The following EPHA7 variants were observed in gnomAD, a reference collection of about 807,000 sequenced individuals.
EPHA7 encodes the protein EPH receptor A7, also known as ephrin type-A receptor 7.
A neutral mutation model predicts 112.6 loss-of-function variants in EPHA7; 25 were observed. The ratio of observed to expected loss-of-function variants is 0.22; its 90% confidence interval spans 0.16 to 0.31. The LOEUF (loss-of-function observed/expected upper bound fraction) is 0.31. Ranked by LOEUF, EPHA7 falls within the 10% of genes least tolerant of loss-of-function variation. The pLI is 1.00. For synonymous variants in EPHA7, 437 were observed against 406.5 expected (o/e 1.07, Z -0.90); for missense variants, 962 against 1,212.6 (o/e 0.79, Z 3.07).
intron 7 of EPHA7, among the ~76,000 whole-genome samples, chr6:93,267,124 AT>A (rs1214737999): frequency 6.6e-6 from 1 of 151,744 alleles, no homozygotes; most frequent in Admixed American, 6.6e-5. Flanking sequence ...TAAAGTTTCC[AT>A]TTTAATTTCT....
chr6:93,416,370 T>C (rs1237783697), intron 1 of EPHA7, among the ~76,000 whole-genome samples: 1 of 152,156 alleles, frequency 6.6e-6, no homozygotes, highest in Non-Finnish European at 1.5e-5. Context: ...GACAACAGGA[T>C]TTTAAATGCA....
intron 3 of EPHA7, among the ~76,000 whole-genome samples, chr6:93,397,804 T>C (rs1778253920): frequency 6.6e-6 from 1 of 151,956 alleles, no homozygotes; most frequent in South Asian, 2.1e-4. Context: ...TTTTCTTTCA[T>C]ATTATACACT....
chr6:93,256,979 T>C (rs567037119), intron 12 of EPHA7, among the ~76,000 whole-genome samples: 1 of 152,240 alleles, frequency 6.6e-6, no homozygotes, highest in Admixed American at 6.5e-5. Flanking sequence ...TTATATGTCA[T>C]TTACAAATAA....
At chr6:93,320,959 T>C (rs1295875639) in intron 5 of EPHA7, among the ~76,000 whole-genome samples, 2 of 151,990 alleles carry the variant, frequency 1.3e-5, no homozygotes, top group Non-Finnish European at 2.9e-5. Context: ...ATAGTTTGTG[T>C]ATATTTTGTA....
rs183610251 is a variant in EPHA7, at chr6:93,255,967, T to C, written c.2243A>G (p.Tyr748Cys). 1 of 1,614,088 alleles carries C rather than the reference T, an allele frequency of 6.2e-7. No individual in the cohort carries two copies. Among genetic ancestry groups the C allele is most frequent in the Non-Finnish European group, 8.5e-7 (1 of 1,180,004 alleles). Residue 748 changes from tyrosine to cysteine, a missense_variant, in exon 13 of 17, where the codon TAT (tyrosine) becomes TGT (cysteine). Physicochemically the swap from Tyr to Cys is radical, Grantham distance 194. Transcript: ENST00000369303. ...MLRGIAAGMR[Y>C]LADMGYVHRD... ...GTGAACATATCCCATATCAGCCAAATATCTCATTCCAGCAGCAATTCCTCT... is the reference window on the plus strand; with the variant it reads ...GTGAACATATCCCATATCAGCCAAACATCTCATTCCAGCAGCAATTCCTCT...
intron 5 of EPHA7, among the ~76,000 whole-genome samples, chr6:93,313,701 A>C (rs1773652018): frequency 6.6e-6 from 1 of 151,158 alleles, no homozygotes; most frequent in Non-Finnish European, 1.5e-5. Flanking sequence ...AATAAAAATA[A>C]GTAAGTATTA....
chr6:93,335,427 A>T (rs938123587), intron 5 of EPHA7, among the ~76,000 whole-genome samples: 1 of 152,074 alleles, frequency 6.6e-6, no homozygotes, highest in African/African-American at 2.4e-5. Flanking sequence ...TTACAGTTTC[A>T]TTGGTATTTA....
At chr6:93,268,814 G>T (rs1396038322) in intron 7 of EPHA7, among the ~76,000 whole-genome samples, 2 of 151,784 alleles carry the variant, frequency 1.3e-5, no homozygotes, top group South Asian at 2.1e-4. Context: ...AAATGATAAA[G>T]GGGCTTCAAA....
At chr6:93,252,112 C>G (rs1403397227) in intron 14 of EPHA7, among the ~76,000 whole-genome samples, 1 of 118,794 alleles carries the variant, frequency 8.4e-6, no homozygotes, top group Non-Finnish European at 1.9e-5. Context: ...TAGTCCAGAA[C>G]TTTCTCACTC....
intron 5 of EPHA7, among the ~76,000 whole-genome samples, chr6:93,293,035 A>G (rs1478907003): frequency 6.6e-6 from 1 of 152,106 alleles, no homozygotes; most frequent in Non-Finnish European, 1.5e-5. Context: ...GAGGCCTTGT[A>G]CAATTGAAAA....
intron 5 of EPHA7, among the ~76,000 whole-genome samples, chr6:93,354,715 C>A (rs1376838956): frequency 6.7e-6 from 1 of 149,748 alleles, no homozygotes; most frequent in Non-Finnish European, 1.5e-5. Context: ...TTTTACATAA[C>A]AACTGCGAAA....
At chr6:93,260,787 T>TG in intron 9 of EPHA7, 1 of 956,762 alleles carries the variant, frequency 1.0e-6, no homozygotes, top group Non-Finnish European at 1.2e-6. Context: ...AAGCTGAAGA[T>TG]GAAAAAAAAA....
At chr6:93,416,282 A>C (rs1779221296) in intron 1 of EPHA7, among the ~76,000 whole-genome samples, 1 of 152,194 alleles carries the variant, frequency 6.6e-6, no homozygotes, top group African/African-American at 2.4e-5. Context: ...CAGGGAAACA[A>C]GGTGGGTGGT....
At chr6:93,247,974 C>A (rs1034282385) in intron 14 of EPHA7, among the ~76,000 whole-genome samples, 2 of 151,704 alleles carry the variant, frequency 1.3e-5, no homozygotes, top group African/African-American at 4.8e-5. Flanking sequence ...ATCTGAGCAG[C>A]AAAGGGAAGA....
intron 5 of EPHA7, among the ~76,000 whole-genome samples, chr6:93,339,747 A>T (rs1775051149): frequency 6.6e-6 from 1 of 151,824 alleles, no homozygotes; most frequent in Non-Finnish European, 1.5e-5. Flanking sequence ...CTATGTAAAC[A>T]GCCCAGGCAA....
intron 4 of EPHA7, 80 bp downstream of exon 4, chr6:93,358,176 A>G (rs964776703): frequency 1.1e-5 from 12 of 1,076,986 alleles, no homozygotes; most frequent in African/African-American, 6.6e-5. Flanking sequence ...CACAAATTCA[A>G]TATCTATTTC....
chr6:93,313,826 A>T (rs1773657540), intron 5 of EPHA7, among the ~76,000 whole-genome samples: 1 of 152,046 alleles, frequency 6.6e-6, no homozygotes, highest in Admixed American at 6.6e-5. Flanking sequence ...AGACTAAGGA[A>T]GGTGGTCTTA....
intron 5 of EPHA7, among the ~76,000 whole-genome samples, chr6:93,336,884 T>C (rs1272404739): frequency 7.7e-6 from 1 of 129,916 alleles, no homozygotes; most frequent in East Asian, 2.0e-4. Context: ...TTACAAAGTA[T>C]TATTTTTGTA....
intron 5 of EPHA7, among the ~76,000 whole-genome samples, chr6:93,282,414 GAA>G (rs770976004): frequency 2.0e-5 from 3 of 152,174 alleles, no homozygotes; most frequent in Non-Finnish European, 4.4e-5. Context: ...GATTACAACC[GAA>G]GTTTTAAAAA....
Sources: allele counts gnomAD v4.1 joint callset (sites outside exome capture counted in the v4.1 genomes callset), GRCh38; gene constraint gnomAD v4.1.1; transcripts MANE v1.5; gene names NCBI Gene and HGNC (gene_info 2026-07-23, HGNC 2026-07-21).